Variants in DRC8 observed in about 807,000 individuals in gnomAD.
The protein encoded by DRC8 is dynein regulatory complex protein 8.
the DRC8 span, among the ~76,000 whole-genome samples, chr1:245,063,498 C>G: frequency 6.6e-6 from 1 of 152,192 alleles, no homozygotes; most frequent in Non-Finnish European, 1.5e-5. Context: ...CTTCCTCAGC[C>G]AGATTATGCT....
the DRC8 span, among the ~76,000 whole-genome samples, chr1:245,089,710 C>T: frequency 2.0e-5 from 3 of 151,980 alleles, no homozygotes; most frequent in Non-Finnish European, 4.4e-5. This position sits in a 1 kb window ranked among gnomAD's most constrained non-coding sequence, Gnocchi z 4.8. Context: ...GCCTGGAGGA[C>T]AAGTTATTCG....
chr1:245,019,087 C>G, the DRC8 span, among the ~76,000 whole-genome samples: 12 of 152,120 alleles, frequency 7.9e-5, no homozygotes, highest in Admixed American at 2.6e-4. Context: ...AGGGCCAATT[C>G]AGTAAAAGAA....
At chr1:244,988,657 C>A in the DRC8 span, among the ~76,000 whole-genome samples, 1 of 152,110 alleles carries the variant, frequency 6.6e-6, no homozygotes, top group African/African-American at 2.4e-5. Context: ...TAGACCTTTG[C>A]CTGTTTTCTC....
the DRC8 span, among the ~76,000 whole-genome samples, chr1:245,099,075 G>A: frequency 3.2e-4 from 48 of 152,090 alleles, 1 homozygote; most frequent in African/African-American, 1.1e-3. Context: ...TCCCTTACTG[G>A]CCAGTCATAA....
chr1:245,087,818 C>A, the DRC8 span: 1 of 859,832 alleles, frequency 1.2e-6, no homozygotes. Flanking sequence ...GGTGATTTAT[C>A]AAAATAAATA....
At chr1:244,985,085 T>G in the DRC8 span, among the ~76,000 whole-genome samples, 7 of 150,152 alleles carry the variant, frequency 4.7e-5, no homozygotes, top group African/African-American at 1.7e-4. Flanking sequence ...GGTTTTTTTT[T>G]TTTTTTTTTT....
chr1:245,000,768 G>A, the DRC8 span, among the ~76,000 whole-genome samples: 9 of 120,448 alleles, frequency 7.5e-5, no homozygotes, highest in African/African-American at 2.8e-4. Flanking sequence ...GCAACAGAGC[G>A]AGACTCCATC....
the DRC8 span, among the ~76,000 whole-genome samples, chr1:245,118,514 G>T: frequency 6.6e-6 from 1 of 152,158 alleles, no homozygotes; most frequent in Non-Finnish European, 1.5e-5. Context: ...ACAGTAAGCC[G>T]GGCGCAGTGG....
chr1:245,082,217 A>T, the DRC8 span: 1 of 1,485,796 alleles, frequency 6.7e-7, no homozygotes, highest in Non-Finnish European at 9.4e-7. Flanking sequence ...TTATGAATCC[A>T]TTCATTTCAG....
At chr1:245,120,784 TG>T in the DRC8 span, among the ~76,000 whole-genome samples, 1 of 152,236 alleles carries the variant, frequency 6.6e-6, no homozygotes, top group African/African-American at 2.4e-5. Flanking sequence ...ATTTCTTCAA[TG>T]GGAAGGCACC....
chr1:245,019,042 A>G, the DRC8 span, among the ~76,000 whole-genome samples: 1 of 152,170 alleles, frequency 6.6e-6, no homozygotes, highest in Non-Finnish European at 1.5e-5. Flanking sequence ...TCTCCCGATC[A>G]CTGACAGCAA....
the DRC8 span, among the ~76,000 whole-genome samples, chr1:245,070,289 T>A: frequency 2.6e-5 from 4 of 152,302 alleles, no homozygotes; most frequent in East Asian, 5.8e-4. Flanking sequence ...GCAATGACCA[T>A]ATTAATAAAT....
At chr1:245,085,076 C>T in the DRC8 span, among the ~76,000 whole-genome samples, 1 of 152,128 alleles carries the variant, frequency 6.6e-6, no homozygotes, top group Non-Finnish European at 1.5e-5. Flanking sequence ...CTGTTGTGTG[C>T]CTACTATATG....
At chr1:245,114,240 G>A in the DRC8 span, among the ~76,000 whole-genome samples, 1,931 of 152,070 alleles carry the variant, frequency 0.013, 51 homozygotes, top group African/African-American at 0.043. Flanking sequence ...CGAGGCAGGC[G>A]GGTCACAAGT....
At chr1:245,024,398 T>C in the DRC8 span, among the ~76,000 whole-genome samples, 1 of 152,290 alleles carries the variant, frequency 6.6e-6, no homozygotes, top group South Asian at 2.1e-4. Context: ...GTTGCTATCT[T>C]GATGATAGAG....
the DRC8 span, among the ~76,000 whole-genome samples, chr1:244,975,152 G>A: frequency 6.6e-6 from 1 of 152,014 alleles, no homozygotes; most frequent in Non-Finnish European, 1.5e-5. Context: ...GGATGGTCTC[G>A]ATCTCCTGAC....
At chr1:245,099,115 C>T in the DRC8 span, among the ~76,000 whole-genome samples, 1 of 152,002 alleles carries the variant, frequency 6.6e-6, no homozygotes, top group East Asian at 1.9e-4. Flanking sequence ...TTATGTGGTG[C>T]CTCTGAAACC....
chr1:245,099,586 T>G, the DRC8 span, among the ~76,000 whole-genome samples: 10 of 152,348 alleles, frequency 6.6e-5, no homozygotes, highest in South Asian at 2.1e-3. Context: ...TTCAGCTGTT[T>G]GTTCATGCAA....
At chr1:245,044,498 A>ATCAT in the DRC8 span, among the ~76,000 whole-genome samples, 8 of 151,862 alleles carry the variant, frequency 5.3e-5, no homozygotes, top group East Asian at 1.5e-3. Context: ...ATTTTATTTT[A>ATCAT]TCATTTATTT....
Sources: allele counts gnomAD v4.1 joint callset (sites outside exome capture counted in the v4.1 genomes callset), GRCh38; gene constraint gnomAD v4.1.1; non-coding constraint Gnocchi (gnomAD v3.1); transcripts MANE v1.5; gene names NCBI Gene and HGNC (gene_info 2026-07-23, HGNC 2026-07-21).